NPAS3: variants seen among roughly 807,000 people sequenced by gnomAD.
NPAS3 encodes neuronal PAS domain protein 3.
NPAS3 carries 14 observed loss-of-function variants against 73.1 expected under a neutral mutation model. That is an observed-to-expected ratio of 0.19 (90% CI 0.13 to 0.30). The LOEUF is 0.30. Ranked by LOEUF, NPAS3 falls within the 10% of genes least tolerant of loss-of-function variation. The probability of loss-of-function intolerance (pLI) is 1.00; values close to 1 mark genes in which losing one functional copy is unlikely to be tolerated. For synonymous variants in NPAS3, 620 were observed against 541.5 expected, an observed-to-expected ratio of 1.14 and a Z score of -2.01; for missense variants, 1,096 against 1,250.0, an observed-to-expected ratio of 0.88 and a Z score of 1.86.
At chr14:33,404,652 A>G (rs1197483018) in intron 4 of NPAS3, among the ~76,000 whole-genome samples, 1 of 152,060 alleles carries the variant, frequency 6.6e-6, no homozygotes, top group Non-Finnish European at 1.5e-5. Context: ...TCCTTTGGCT[A>G]TCAGGTCCTT....
At chr14:33,577,106 A>G (rs2056466529) in intron 5 of NPAS3, among the ~76,000 whole-genome samples, 1 of 152,252 alleles carries the variant, frequency 6.6e-6, no homozygotes, top group Non-Finnish European at 1.5e-5. Flanking sequence ...AACTTTTGGT[A>G]GGTACATTCA....
chr14:33,741,024 C>T (rs960108662), intron 7 of NPAS3, among the ~76,000 whole-genome samples: 45 of 152,080 alleles, frequency 3.0e-4, no homozygotes, highest in African/African-American at 1.1e-3. Context: ...GGAGGTATGC[C>T]CAGCACTAAT....
chr14:33,784,741 A>ATTTATTTTT (rs1470404988), intron 9 of NPAS3, among the ~76,000 whole-genome samples: 1 of 72,770 alleles, frequency 1.4e-5, no homozygotes, highest in African/African-American at 6.9e-5. Context: ...TTATTTATTT[A>ATTTATTTTT]TTTATTTTTT....
intron 5 of NPAS3, among the ~76,000 whole-genome samples, chr14:33,651,459 C>T (rs1026024006): frequency 6.6e-6 from 1 of 152,138 alleles, no homozygotes; most frequent in African/African-American, 2.4e-5. Flanking sequence ...TCCCTGAAGA[C>T]TCTCTTTTAG....
intron 4 of NPAS3, among the ~76,000 whole-genome samples, chr14:33,418,022 A>G (rs898137535): frequency 3.3e-5 from 5 of 149,950 alleles, no homozygotes; most frequent in Middle Eastern, 6.8e-3. Context: ...ATAAATATTA[A>G]AAGATAATGA....
intron 4 of NPAS3, among the ~76,000 whole-genome samples, chr14:33,478,807 C>A (rs2051171067): frequency 6.6e-6 from 1 of 152,160 alleles, no homozygotes. Context: ...CTTGTGTTAT[C>A]TTCTTTTTTG....
At chr14:33,285,935 C>A (rs1230521661) in intron 3 of NPAS3, among the ~76,000 whole-genome samples, 1 of 152,160 alleles carries the variant, frequency 6.6e-6, no homozygotes, top group African/African-American at 2.4e-5. Flanking sequence ...ACGAGCAGTG[C>A]CTTGTAACCT....
At chr14:33,438,127 C>T (rs1027470670) in intron 4 of NPAS3, among the ~76,000 whole-genome samples, 1 of 152,066 alleles carries the variant, frequency 6.6e-6, no homozygotes, top group Non-Finnish European at 1.5e-5. Context: ...AAAAAAACAA[C>T]TGATAATGTG....
intron 1 of NPAS3, among the ~76,000 whole-genome samples, chr14:33,005,073 G>A (rs191998075): frequency 6.6e-6 from 1 of 151,878 alleles, no homozygotes; most frequent in Admixed American, 6.6e-5. Context: ...TTTTTTGTAA[G>A]TAGACGGAGT....
rs372528214 is a variant in NPAS3, at chr14:33,774,325, G to C, written c.853-12G>C. On this transcript the variant is annotated splice_polypyrimidine_tract_variant and intron_variant, in intron 7 of 11. Transcript: ENST00000356141. ...ATTTGACTGGTGTCCTGTACTTAAT[G>C]TTGTTTTACAGGTGATTCACATAAC... 1 of 1,609,184 alleles carries C rather than the reference G, an allele frequency of 6.2e-7. No individual in the cohort carries two copies.
chr14:33,514,650 T>A (rs74918669), intron 4 of NPAS3, among the ~76,000 whole-genome samples: 4,453 of 152,146 alleles, frequency 0.029, 81 homozygotes, highest in Non-Finnish European at 0.044. Context: ...AGAAATTATA[T>A]CATGAAATAA....
chr14:33,227,926 T>C lies in NPAS3; in HGVS notation c.385+12500T>C, dbSNP rs149708505. ...TAGTAAGGTTTTCTGGTCAGTGGAGTTGAACACTCCTGAGTTCAAATCTTT... is the reference window on the plus strand; with the variant it reads ...TAGTAAGGTTTTCTGGTCAGTGGAGCTGAACACTCCTGAGTTCAAATCTTT... On this transcript the variant is annotated intron_variant, in intron 3 of 11. Coordinates refer to ENST00000356141, the Ensembl canonical transcript of NPAS3. 1.6e-4 allele frequency among the ~76,000 whole-genome samples: 25 copies of C among 152,238 alleles called. 1 individual carries two copies. The highest frequency in any genetic ancestry group is 1.3e-4 in the Non-Finnish European group (9 of 68,000).
rs2041477416 is a variant in NPAS3, at chr14:33,279,236, G to A, written c.385+63810G>A. 1.3e-5 allele frequency among the ~76,000 whole-genome samples: 2 copies of A among 152,076 alleles called. 1 individual carries two copies. The highest frequency in any genetic ancestry group is 4.1e-4 in the South Asian group (2 of 4,820). On this transcript the variant is annotated intron_variant, in intron 3 of 11. Transcript: ENST00000356141. The stretch of plus-strand genomic sequence containing the variant: ...ATCTCTGGATAAACTATAGCTCCTA[G>A]GGCAGAGCTCCTCTTTACTTTATGT...
chr14:33,036,910 T>C (rs1203992834), intron 1 of NPAS3, among the ~76,000 whole-genome samples: 1 of 152,224 alleles, frequency 6.6e-6, no homozygotes, highest in Non-Finnish European at 1.5e-5. Context: ...TTACTTAAGG[T>C]ATCATAATTA....
chr14:33,704,740 A>C, intron 6 of NPAS3, among the ~76,000 whole-genome samples: 1 of 152,244 alleles, frequency 6.6e-6, no homozygotes, highest in Non-Finnish European at 1.5e-5. Context: ...GTAACTGCTC[A>C]CATTAACAAG....
intron 3 of NPAS3, among the ~76,000 whole-genome samples, chr14:33,264,069 G>A (rs1487961059): frequency 1.3e-5 from 2 of 152,126 alleles, no homozygotes; most frequent in African/African-American, 4.8e-5. Context: ...TGGCACATAT[G>A]CACCATGGAA....
chr14:33,802,349 A>G (rs1316750904), downstream of NPAS3: 1 of 149,178 alleles, frequency 6.7e-6, no homozygotes, highest in Non-Finnish European at 1.5e-5. Context: ...TCAGACAGAT[A>G]ACTGCAACTG....
At chr14:33,020,955 C>A (rs10151102) in intron 1 of NPAS3, among the ~76,000 whole-genome samples, 5 of 151,784 alleles carry the variant, frequency 3.3e-5, no homozygotes, top group African/African-American at 1.2e-4. Flanking sequence ...AGAGATGGGG[C>A]TTCATCATGT....
At chr14:33,790,515 G>A (rs575637585) in intron 9 of NPAS3, among the ~76,000 whole-genome samples, 16 of 150,588 alleles carry the variant, frequency 1.1e-4, no homozygotes, top group South Asian at 8.4e-4. Context: ...TGCCTCTGGC[G>A]CAGCTGGAAT....
Sources: allele counts gnomAD v4.1 joint callset (sites outside exome capture counted in the v4.1 genomes callset), GRCh38; gene constraint gnomAD v4.1.1; transcripts MANE v1.5; gene names NCBI Gene and HGNC (gene_info 2026-07-23, HGNC 2026-07-21).